The following E2F7 variants were observed in gnomAD, a reference collection of about 807,000 sequenced individuals.
E2F7 encodes transcription factor E2F7.
A neutral mutation model predicts 81.1 loss-of-function variants in E2F7; 35 were observed. The ratio of observed to expected loss-of-function variants is 0.43; its 90% CI spans 0.33 to 0.57. The LOEUF (loss-of-function observed/expected upper bound fraction) is 0.57. Among genes scored for constraint, E2F7 ranks in the 20% least tolerant of loss-of-function variants. The pLI, the probability that E2F7 is intolerant of heterozygous loss-of-function variation, is 0.04. For missense variants in E2F7, 961 were observed against 1,093.7 expected (o/e 0.88, Z 1.71); for synonymous variants, 416 against 416.2 (o/e 1.00, Z 0.01).
chr12:77,043,386 T>C (rs1954910307), intron 6 of E2F7, among the ~76,000 whole-genome samples, 187 bp from the exon 7 acceptor site: 1 of 152,008 alleles, frequency 6.6e-6, no homozygotes. Context: ...ATCTGAAGGC[T>C]AAGGGAAGGT....
At chr12:77,052,600 AAGG>A (rs1179373483) in intron 3 of E2F7, among the ~76,000 whole-genome samples, 1 of 152,218 alleles carries the variant, frequency 6.6e-6, no homozygotes, top group Non-Finnish European at 1.5e-5. Flanking sequence ...GAAGAAAATG[AAGG>A]AGAATATTTT....
intron 6 of E2F7, 124 bp from the exon 7 acceptor site, chr12:77,043,323 G>T: frequency 8.0e-7 from 1 of 1,243,768 alleles, no homozygotes; most frequent in Non-Finnish European, 1.1e-6. Context: ...AGGTTGGGAT[G>T]AGGAGACCAG....
intron 9 of E2F7, among the ~76,000 whole-genome samples, chr12:77,032,052 A>C (rs562381723): frequency 6.6e-6 from 1 of 152,184 alleles, no homozygotes; most frequent in African/African-American, 2.4e-5. Context: ...ACTGTCTCAC[A>C]CTGGTTTCCC....
intron 5 of E2F7, 134 bp downstream of exon 5, chr12:77,045,904 T>C (rs538795127): frequency 8.6e-7 from 1 of 1,156,390 alleles, no homozygotes; most frequent in East Asian, 2.5e-5. Context: ...TTCTCTTTCT[T>C]CAGTGAGGAG....
At chr12:77,028,384 G>C (rs1054942151) in intron 10 of E2F7, among the ~76,000 whole-genome samples, 1 of 151,918 alleles carries the variant, frequency 6.6e-6, no homozygotes, top group African/African-American at 2.4e-5. Context: ...TAGAGATGGG[G>C]TTTCACCATG....
chr12:77,051,609 A>C (rs938671925), intron 3 of E2F7, among the ~76,000 whole-genome samples: 50 of 152,342 alleles, frequency 3.3e-4, no homozygotes, highest in African/African-American at 1.2e-3. Context: ...CACACTGTGC[A>C]CATGTACCCT....
Position 77,027,978 on chromosome 12 carries a change from G to A in E2F7, c.2045C>T (p.Pro682Leu). The A allele has an allele frequency of 2.5e-6, 4 of 1,614,162 alleles. No homozygotes were observed. The highest frequency in any genetic ancestry group is 3.4e-6 in the Non-Finnish European group (4 of 1,180,036). Reference sequence around the variant, plus strand: ...CTTTTCAACATCTGTATTTCTTGAAGGATTTCCCCACTCAGAAGAAACAAG... The same window carrying A: ...CTTTTCAACATCTGTATTTCTTGAAAGATTTCCCCACTCAGAAGAAACAAG... ...NSLVSSEWGN[P>L]SRNTDVEKPS... The change falls in exon 11 of 13, where the codon CCT becomes CTT. Residue 682 changes from proline to leucine, a missense_variant. Pro to Leu is a moderately conservative substitution (Grantham distance 98, BLOSUM62 -3). Around this residue, in one of 3 missense-constraint regions of E2F7, gnomAD observed 587 missense variants for 620.3 expected, o/e 0.95. Transcript: ENST00000322886.
rs760073232 is a variant in E2F7, at chr12:77,028,009, T to C, written c.2014A>G (p.Asn672Asp). Residue 672 changes from asparagine to aspartate, a missense_variant, in exon 11 of 13, where the codon AAC (asparagine) becomes GAC (aspartate). Asn to Asp is a conservative substitution (Grantham distance 23, BLOSUM62 1). Around this residue, in one of 3 missense-constraint regions of E2F7, gnomAD observed 587 missense variants for 620.3 expected, o/e 0.95. Coordinates refer to ENST00000322886, the MANE Select transcript of E2F7 (RefSeq NM_203394.3). ...CCCCACTCAGAAGAAACAAGAGAGTTTGCTGTTGCCTTTCCTGAAATCTCT... is the reference window on the plus strand; with the variant it reads ...CCCCACTCAGAAGAAACAAGAGAGTCTGCTGTTGCCTTTCCTGAAATCTCT... ...AEEISGKATA[N>D]SLVSSEWGNP... The C allele has an allele frequency of 3.1e-6, 5 of 1,614,198 alleles. No individual in the cohort carries two copies. In the East Asian group the frequency reaches 1.1e-4, roughly 36 times the overall value.
chr12:77,059,945 A>G (rs1382625504), intron 2 of E2F7, among the ~76,000 whole-genome samples: 1 of 136,768 alleles, frequency 7.3e-6, no homozygotes, highest in Non-Finnish European at 1.5e-5. Flanking sequence ...CCTGGGTGAC[A>G]GCGAGATTCT....
At chr12:77,041,746 G>C (rs1423725242) in intron 7 of E2F7, among the ~76,000 whole-genome samples, 1 of 152,114 alleles carries the variant, frequency 6.6e-6, no homozygotes, top group Non-Finnish European at 1.5e-5. Flanking sequence ...AATGCCTACA[G>C]AGCCAGTACC....
At chr12:77,050,497 C>G (rs1954977505) in intron 4 of E2F7, 79 bp downstream of exon 4, 1 of 1,506,924 alleles carries the variant, frequency 6.6e-7, no homozygotes, top group East Asian at 2.3e-5. Context: ...CACTCTACTT[C>G]AAGCCTTCAG....
chr12:77,033,217 C>T, intron 8 of E2F7, 95 bp from the exon 9 acceptor site: 3 of 1,151,880 alleles, frequency 2.6e-6, no homozygotes, highest in East Asian at 2.4e-5. Flanking sequence ...TCATTATTCT[C>T]AGCTCAAAGA....
rs1257212504 is a variant in E2F7 at position 77,023,326 on chromosome 12, T to A, written c.*689A>T. 1 of 152,680 alleles carries A rather than the reference T, an allele frequency of 6.5e-6. No homozygotes were observed. The highest frequency in any genetic ancestry group is 1.5e-5 in the Non-Finnish European group (1 of 68,070). 9.5% of individuals were successfully genotyped at this position (152,680 alleles called of 1,614,324 possible). On this transcript the variant is annotated 3_prime_UTR_variant, in exon 13 of 13. Transcript: ENST00000322886. ...CACAGTCAGGGTTAGCACAGTTCAT[T>A]TACAGCAAGGTGTGTCATTCACAGT...
Position 77,033,967 on chromosome 12 carries a change from C to G in E2F7, c.1199G>C (p.Cys400Ser). The change falls in exon 8 of 13, where the codon TGT becomes TCT. Residue 400 changes from cysteine to serine, a missense_variant. Transcript: ENST00000322886. ...ATGGCGAGCCAGCTTCTGTTTTGCA[C>G]AGACTTGAATCTGGCCATATGTTTC... is the stretch of plus-strand genomic sequence containing the variant. ...KRETYGQIQVCAKQKLARHGS... is the reference protein window; with the variant it reads ...KRETYGQIQVSAKQKLARHGS... The G allele has an allele frequency of 6.2e-7, 1 of 1,614,250 alleles. No individual in the cohort carries two copies. The highest frequency in any genetic ancestry group is 8.5e-7 in the Non-Finnish European group (1 of 1,180,046).
chr12:77,052,905 G>A (rs1430153259), intron 3 of E2F7, among the ~76,000 whole-genome samples: 1 of 152,046 alleles, frequency 6.6e-6, no homozygotes, highest in Non-Finnish European at 1.5e-5. Flanking sequence ...CAGTAAACAT[G>A]TGGAAAGAAG....
In E2F7 at chr12:77,055,960, C is replaced by G; in HGVS notation, c.264G>C (p.Lys88Asn). The change falls in exon 3 of 13, where the codon AAG becomes AAC. Residue 88 changes from lysine (K) to asparagine (N), a missense_variant. Physicochemically the swap from Lys to Asn is moderately conservative, Grantham distance 94 (BLOSUM62 0). Transcript: ENST00000322886. ...AEPWTPTANL[K>N]MLISAASPDI... Reference sequence around the variant, plus strand: ...CTGGGCTGGCAGCACTAATGAGCATCTTCAGGTTAGCTGTGGGTGTCCATG... The same window carrying G: ...CTGGGCTGGCAGCACTAATGAGCATGTTCAGGTTAGCTGTGGGTGTCCATG... The G allele has an allele frequency of 6.2e-7, 1 of 1,614,132 alleles. No homozygotes were observed. The highest frequency in any genetic ancestry group is 8.5e-7 in the Non-Finnish European group (1 of 1,180,022).
intron 6 of E2F7, 159 bp downstream of exon 6, chr12:77,044,478 A>G (rs1301296831): frequency 1.2e-6 from 1 of 851,624 alleles, no homozygotes; most frequent in Non-Finnish European, 1.8e-6. Context: ...GTAGGTGACT[A>G]ACTTACCTCT....
At chr12:77,031,214 A>G (rs1006842553) in intron 9 of E2F7, among the ~76,000 whole-genome samples, 3 of 151,848 alleles carry the variant, frequency 2.0e-5, no homozygotes, top group Non-Finnish European at 4.4e-5. Context: ...CCCTGTCTCT[A>G]AAATAAGAAA....
chr12:77,046,463 G>T, intron 4 of E2F7, 135 bp from the exon 5 acceptor site: 1 of 904,644 alleles, frequency 1.1e-6, no homozygotes, highest in South Asian at 2.0e-5. Flanking sequence ...GGATGCTCAA[G>T]GAATTCAACC....
Sources: allele counts gnomAD v4.1 joint callset (sites outside exome capture counted in the v4.1 genomes callset), GRCh38; gene constraint gnomAD v4.1.1; regional missense constraint gnomAD v4.1.1; transcripts MANE v1.5; gene names NCBI Gene and HGNC (gene_info 2026-07-23, HGNC 2026-07-21).